RARB: variants seen among roughly 807,000 people sequenced by gnomAD.
The protein encoded by RARB is retinoic acid receptor beta, also known as HBV-activated protein.
A neutral mutation model predicts 51.9 loss-of-function variants in RARB; 17 were observed. The observed-to-expected ratio is 0.33, with a 90% confidence interval of 0.22 to 0.49. The LOEUF (loss-of-function observed/expected upper bound fraction) is 0.49. Ranked by LOEUF, RARB falls within the 20% of genes least tolerant of loss-of-function variation. The pLI is 0.99. For missense variants in RARB, 369 were observed against 550.8 expected (o/e 0.67, Z 3.30); for synonymous variants, 215 against 195.4 (o/e 1.10, Z -0.84).
chr3:24,936,880 G>A (rs1695558199), intron 2 of RARB, among the ~76,000 whole-genome samples: 1 of 152,120 alleles, frequency 6.6e-6, no homozygotes, highest in Non-Finnish European at 1.5e-5. Flanking sequence ...ATGGTCTCCG[G>A]TTAATTAAAT....
Position 25,456,982 on chromosome 3 carries a change from A to G in RARB, c.158-4211A>G, listed in dbSNP as rs1694954126. Among the ~76,000 whole-genome samples the G allele has an allele frequency of 1.3e-5, 2 of 152,096 alleles. 1 individual carries two copies. Among genetic ancestry groups the G allele is most frequent in the South Asian group, 4.1e-4 (2 of 4,820 alleles). ...AATAAGGCCTATAGTTCACTCTGAC[A>G]TTATATTAGTGGTTCCCAAACTACT... is the stretch of plus-strand genomic sequence containing the variant. On this transcript the variant is annotated intron_variant, in intron 1 of 7. Transcript: ENST00000330688.
intron 4 of RARB, among the ~76,000 whole-genome samples, chr3:25,137,026 A>G (rs1405031825): frequency 1.3e-5 from 2 of 152,082 alleles, no homozygotes; most frequent in Non-Finnish European, 2.9e-5. Context: ...AGCAGCAGAC[A>G]GATTTTCAAA....
chr3:24,869,862 C>T (rs148732030), intron 2 of RARB, among the ~76,000 whole-genome samples: 64 of 152,134 alleles, frequency 4.2e-4, no homozygotes, highest in African/African-American at 1.3e-3. Flanking sequence ...CAAGCTGAAA[C>T]AATAGATTGT....
intron 2 of RARB, among the ~76,000 whole-genome samples, chr3:25,470,322 A>G (rs141375900): frequency 3.3e-4 from 50 of 152,348 alleles, no homozygotes; most frequent in Non-Finnish European, 5.9e-4. Context: ...CTCCTCGATT[A>G]CAGGTAAATG....
chr3:25,084,241 A>G (rs1699063191), intron 3 of RARB, among the ~76,000 whole-genome samples: 1 of 152,106 alleles, frequency 6.6e-6, no homozygotes, highest in Non-Finnish European at 1.5e-5. Flanking sequence ...TCTGTGCCAC[A>G]GTTTGGAATG....
intron 5 of RARB, among the ~76,000 whole-genome samples, chr3:25,245,491 C>T (rs751339411): frequency 7.9e-5 from 12 of 152,120 alleles, no homozygotes; most frequent in Non-Finnish European, 8.8e-5. Flanking sequence ...TCTTGTAAGG[C>T]AGGCCTGGTG....
At chr3:24,934,041 C>T (rs1386119814) in intron 2 of RARB, among the ~76,000 whole-genome samples, 2 of 152,148 alleles carry the variant, frequency 1.3e-5, no homozygotes, top group Admixed American at 1.3e-4. Flanking sequence ...AGTCTTCCCA[C>T]AGCTTCTCAA....
chr3:25,181,386 A>C (rs1482025506), intron 5 of RARB, among the ~76,000 whole-genome samples: 2 of 152,172 alleles, frequency 1.3e-5, no homozygotes, highest in African/African-American at 4.8e-5. Flanking sequence ...GATCTAACAC[A>C]TGGGACATAG....
At chr3:24,872,473 G>T (rs1370069701) in intron 2 of RARB, among the ~76,000 whole-genome samples, 1 of 152,130 alleles carries the variant, frequency 6.6e-6, no homozygotes. Context: ...TTGGCTTATA[G>T]TTCTTCATAC....
At chr3:25,038,802 C>T (rs890032709) in intron 2 of RARB, among the ~76,000 whole-genome samples, 6 of 152,260 alleles carry the variant, frequency 3.9e-5, no homozygotes, top group African/African-American at 1.4e-4. Context: ...GATTTATTAA[C>T]TACCACCTGG....
intron 3 of RARB, among the ~76,000 whole-genome samples, chr3:25,109,962 T>A (rs1323972559): frequency 1.3e-5 from 2 of 152,242 alleles, no homozygotes; most frequent in Admixed American, 6.5e-5. Flanking sequence ...ATCTCGCTTA[T>A]GAGCGAGAGC....
intron 3 of RARB, among the ~76,000 whole-genome samples, chr3:25,117,875 A>G (rs1456373465): frequency 6.6e-6 from 1 of 152,192 alleles, no homozygotes; most frequent in Non-Finnish European, 1.5e-5. Flanking sequence ...TGTTCGGTAT[A>G]ACAAAAGAAG....
At chr3:25,463,368 A>C (rs1289786595) in intron 2 of RARB, among the ~76,000 whole-genome samples, 2 of 152,076 alleles carry the variant, frequency 1.3e-5, no homozygotes, top group African/African-American at 4.8e-5. Flanking sequence ...GGGTGCTTAA[A>C]GATTGAACAA....
chr3:25,177,060 A>G (rs533357413), intron 5 of RARB, among the ~76,000 whole-genome samples: 2 of 152,200 alleles, frequency 1.3e-5, no homozygotes, highest in Non-Finnish European at 2.9e-5. Context: ...AGGTACAGAA[A>G]GTTCAGGCTG....
At chr3:25,450,883 G>C (rs748004921) in intron 1 of RARB, among the ~76,000 whole-genome samples, 3 of 152,148 alleles carry the variant, frequency 2.0e-5, no homozygotes, top group South Asian at 2.1e-4. Flanking sequence ...TCAGGAGTTC[G>C]AGACGAGCCT....
intron 2 of RARB, among the ~76,000 whole-genome samples, chr3:24,973,660 T>C (rs762145389): frequency 6.6e-6 from 1 of 152,118 alleles, no homozygotes; most frequent in African/African-American, 2.4e-5. Flanking sequence ...CTTATACAGA[T>C]CTTTCACATC....
At chr3:25,457,766 G>A (rs1324878454) in intron 1 of RARB, among the ~76,000 whole-genome samples, 1 of 152,152 alleles carries the variant, frequency 6.6e-6, no homozygotes, top group African/African-American at 2.4e-5. Flanking sequence ...TTGAAATTCA[G>A]GGCATAGCTC....
intron 5 of RARB, among the ~76,000 whole-genome samples, chr3:25,276,149 G>A (rs1356170687): frequency 1.3e-5 from 2 of 152,180 alleles, no homozygotes; most frequent in Non-Finnish European, 2.9e-5. Context: ...CTTAGAATAT[G>A]TGTGAATCAT....
At chr3:25,366,215 A>G (rs894897038) in intron 5 of RARB, among the ~76,000 whole-genome samples, 4 of 152,148 alleles carry the variant, frequency 2.6e-5, no homozygotes, top group African/African-American at 9.7e-5. Flanking sequence ...TACAAATGGG[A>G]AAGTGTTGCT....
Sources: gnomAD v4.1 joint callset for allele counts (sites outside exome capture counted in the v4.1 genomes callset) on GRCh38, gnomAD v4.1.1 for gene constraint, MANE v1.5 for transcripts, NCBI Gene and HGNC (gene_info 2026-07-23, HGNC 2026-07-21) for gene names.